The following EXOC6B variants were observed in gnomAD, a reference collection of about 807,000 sequenced individuals.
The protein encoded by EXOC6B is SEC15 homolog B.
A neutral mutation model predicts 113.5 loss-of-function variants in EXOC6B; 54 were observed. That is an observed-to-expected ratio of 0.48 (90% CI 0.38 to 0.60). The LOEUF (loss-of-function observed/expected upper bound fraction) is 0.60. Among genes scored for constraint, EXOC6B ranks in the 20% least tolerant of loss-of-function variants. The pLI, the probability that EXOC6B is intolerant of heterozygous loss-of-function variation, is 0.00. For synonymous variants in EXOC6B, 357 were observed against 339.0 expected (o/e 1.05, Z -0.58); for missense variants, 797 against 977.5 (o/e 0.82, Z 2.46).
At chr2:72,498,574 C>T in intron 12 of EXOC6B, 23 bp from the exon 13 acceptor site, 2 of 1,516,994 alleles carry the variant, frequency 1.3e-6, no homozygotes, top group South Asian at 1.2e-5. Context: ...AAGAAAATCA[C>T]TTCAGTGTCT....
chr2:72,454,632 A>G (rs1385055070), intron 18 of EXOC6B, among the ~76,000 whole-genome samples: 2 of 152,244 alleles, frequency 1.3e-5, no homozygotes, highest in African/African-American at 2.4e-5. Flanking sequence ...CAACAAAAAT[A>G]GGATTAGAAG....
intron 18 of EXOC6B, among the ~76,000 whole-genome samples, chr2:72,380,301 C>G (rs1286509329): frequency 6.6e-6 from 1 of 152,142 alleles, no homozygotes; most frequent in Non-Finnish European, 1.5e-5. Flanking sequence ...CCCACTGTAT[C>G]TAGAAACCAG....
chr2:72,483,927 T>C (rs1052564544), intron 16 of EXOC6B, among the ~76,000 whole-genome samples: 1 of 152,142 alleles, frequency 6.6e-6, no homozygotes, highest in Non-Finnish European at 1.5e-5. Context: ...GACATAAAAC[T>C]AATAATAGAT....
At chr2:72,224,994 G>GTGTATA (rs908047817) in intron 20 of EXOC6B, among the ~76,000 whole-genome samples, 54 of 137,268 alleles carry the variant, frequency 3.9e-4, no homozygotes, top group Non-Finnish European at 6.3e-4. Context: ...GTGTGTGTGT[G>GTGTATA]TATATATATA....
chr2:72,771,287 G>A (rs1275983027), intron 1 of EXOC6B, among the ~76,000 whole-genome samples: 1 of 152,038 alleles, frequency 6.6e-6, no homozygotes, highest in Non-Finnish European at 1.5e-5. Flanking sequence ...CAGAACTCTT[G>A]TATAGCCTTT....
chr2:72,567,252 T>C lies in EXOC6B; in HGVS notation c.847-7731A>G, dbSNP rs191759337. ...CCAAAAGCGTTTGAACATAGTACTCTGAACTATACAGATTTAGTGGGATAC... is the reference window on the plus strand; with the variant it reads ...CCAAAAGCGTTTGAACATAGTACTCCGAACTATACAGATTTAGTGGGATAC... On this transcript the variant is annotated intron_variant, in intron 7 of 21. Coordinates refer to ENST00000272427, the MANE Select transcript of EXOC6B (RefSeq NM_015189.3). Among the ~76,000 whole-genome samples, 423 of 152,184 alleles carry C rather than the reference T, an allele frequency of 2.8e-3. 4 individuals carry two copies. The highest frequency in any genetic ancestry group is 8.9e-3 in the African/African-American group (368 of 41,568).
intron 20 of EXOC6B, among the ~76,000 whole-genome samples, chr2:72,257,803 A>C (rs1358932387): frequency 6.6e-6 from 1 of 152,178 alleles, no homozygotes; most frequent in Non-Finnish European, 1.5e-5. Context: ...CATAGCCGAC[A>C]TAGCCATGGG....
At chr2:72,264,233 A>G (rs1474290704) in intron 20 of EXOC6B, among the ~76,000 whole-genome samples, 1 of 152,100 alleles carries the variant, frequency 6.6e-6, no homozygotes, top group Non-Finnish European at 1.5e-5. Flanking sequence ...TTCTTTCTAT[A>G]CTCAACATTG....
chr2:72,453,302 T>C (rs1351197826), intron 18 of EXOC6B, among the ~76,000 whole-genome samples: 1 of 152,134 alleles, frequency 6.6e-6, no homozygotes, highest in Non-Finnish European at 1.5e-5. Context: ...ATATTTTTTG[T>C]TTCACTTTGA....
At chr2:72,252,731 GGGGAGCAT>G (rs1229675919) in intron 20 of EXOC6B, among the ~76,000 whole-genome samples, 4 of 152,180 alleles carry the variant, frequency 2.6e-5, no homozygotes. Context: ...CAGGGAGGGA[GGGGAGCAT>G]GGGTTGAAAA....
intron 18 of EXOC6B, among the ~76,000 whole-genome samples, chr2:72,415,477 C>T (rs1694464714): frequency 6.6e-6 from 1 of 151,066 alleles, no homozygotes; most frequent in African/African-American, 2.4e-5. Flanking sequence ...AATATACTGA[C>T]AATGTGCTTT....
chr2:72,427,340 C>T (rs891056369), intron 18 of EXOC6B, among the ~76,000 whole-genome samples: 13 of 152,262 alleles, frequency 8.5e-5, no homozygotes, highest in African/African-American at 2.9e-4. Context: ...CCCTCCCAAG[C>T]GCAGGACTTG....
intron 6 of EXOC6B, among the ~76,000 whole-genome samples, chr2:72,627,761 G>A (rs375446750): frequency 6.6e-6 from 1 of 152,046 alleles, no homozygotes; most frequent in Non-Finnish European, 1.5e-5. Context: ...AAATTAACTC[G>A]CAAGAAATTC....
rs189061892 is a variant in EXOC6B, at chr2:72,656,345, C to T, written c.669+61758G>A. On this transcript the variant is annotated intron_variant, in intron 6 of 21. Coordinates refer to ENST00000272427, the MANE Select transcript of EXOC6B (RefSeq NM_015189.3). ...AAAACATATATTATCAGATTTCTATCTCATACTAAAAACTATATTGTAAGA... is the reference window on the plus strand; with the variant it reads ...AAAACATATATTATCAGATTTCTATTTCATACTAAAAACTATATTGTAAGA... 2.6e-5 allele frequency among the ~76,000 whole-genome samples: 4 copies of T among 152,092 alleles called. No individual in the cohort carries two copies. In the East Asian group the frequency reaches 7.7e-4, roughly 29 times the overall value.
At chr2:72,561,057 A>C (rs1386116380) in intron 7 of EXOC6B, among the ~76,000 whole-genome samples, 1 of 152,028 alleles carries the variant, frequency 6.6e-6, no homozygotes, top group Non-Finnish European at 1.5e-5. Flanking sequence ...CACAACACTA[A>C]AACATCTTTA....
At chr2:72,388,915 C>T (rs2105102232) in intron 18 of EXOC6B, among the ~76,000 whole-genome samples, 1 of 152,232 alleles carries the variant, frequency 6.6e-6, no homozygotes, top group Non-Finnish European at 1.5e-5. Flanking sequence ...TTATTCCTTG[C>T]TATTACTTCT....
intron 18 of EXOC6B, among the ~76,000 whole-genome samples, chr2:72,399,853 C>G (rs1034117148): frequency 2.0e-5 from 3 of 152,142 alleles, no homozygotes; most frequent in Admixed American, 1.3e-4. Context: ...AATAACCATA[C>G]TGCCCAAAGC....
At chr2:72,672,369 G>A (rs368918585) in intron 6 of EXOC6B, among the ~76,000 whole-genome samples, 138 of 151,682 alleles carry the variant, frequency 9.1e-4, no homozygotes, top group Non-Finnish European at 1.6e-3. Context: ...AGTGGCTCAC[G>A]CGTGTAATCC....
intron 17 of EXOC6B, among the ~76,000 whole-genome samples, chr2:72,478,480 G>C (rs919079048): frequency 2.0e-5 from 3 of 152,158 alleles, no homozygotes; most frequent in African/African-American, 7.2e-5. Flanking sequence ...TGAGTTCTGG[G>C]TTAGCTAGTC....
Sources: allele counts gnomAD v4.1 joint callset (sites outside exome capture counted in the v4.1 genomes callset), GRCh38; gene constraint gnomAD v4.1.1; transcripts MANE v1.5; gene names NCBI Gene and HGNC (gene_info 2026-07-23, HGNC 2026-07-21).